ARNT2: variants seen among roughly 807,000 people sequenced by gnomAD.
ARNT2 encodes aryl hydrocarbon receptor nuclear translocator 2.
ARNT2 carries 36 observed loss-of-function variants against 91.7 expected under a neutral mutation model. The ratio of observed to expected loss-of-function variants is 0.39; its 90% CI spans 0.30 to 0.52. The LOEUF (loss-of-function observed/expected upper bound fraction) is 0.52. Ranked by LOEUF, ARNT2 falls within the 20% of genes least tolerant of loss-of-function variation. The pLI, the probability that ARNT2 is intolerant of heterozygous loss-of-function variation, is 0.72. For missense variants in ARNT2, 775 were observed against 939.3 expected, an observed-to-expected ratio of 0.83 and a Z score of 2.29; for synonymous variants, 365 against 347.1, an observed-to-expected ratio of 1.05 and a Z score of -0.57.
intron 1 of ARNT2, chr15:80,445,003 ATG>A (rs1361627768): frequency 1.5e-4 from 22 of 145,504 alleles, no homozygotes; most frequent in African/African-American, 2.6e-5. Flanking sequence ...AATAGTGTGC[ATG>A]TGTGTCGATG....
intron 8 of ARNT2, among the ~76,000 whole-genome samples, chr15:80,547,806 G>A (rs1898014809): frequency 6.6e-6 from 1 of 152,030 alleles, no homozygotes; most frequent in Non-Finnish European, 1.5e-5. Context: ...TTTTTTTAAT[G>A]TTGTATAATG....
At chr15:80,442,695 C>T (rs764972502) in intron 1 of ARNT2, 58 of 255,816 alleles carry the variant, frequency 2.3e-4, no homozygotes, top group Non-Finnish European at 3.4e-4. Context: ...TTCAATGAAC[C>T]GAGGAATGTG....
At chr15:80,426,089 T>C (rs1895928801) in intron 1 of ARNT2, among the ~76,000 whole-genome samples, 1 of 131,638 alleles carries the variant, frequency 7.6e-6, no homozygotes, top group Admixed American at 7.7e-5. Flanking sequence ...GAAAAGAAAC[T>C]CTATAGGATA....
intron 1 of ARNT2, among the ~76,000 whole-genome samples, chr15:80,409,809 G>A (rs1344664769): frequency 2.0e-5 from 3 of 152,160 alleles, no homozygotes; most frequent in African/African-American, 7.2e-5. Flanking sequence ...GTTGACCCTT[G>A]AGTCAAGCTC....
At chr15:80,568,722 A>G (rs944637155) in intron 12 of ARNT2, among the ~76,000 whole-genome samples, 1 of 152,168 alleles carries the variant, frequency 6.6e-6, no homozygotes, top group African/African-American at 2.4e-5. Flanking sequence ...ATTCACCTCA[A>G]CAGGCAACCT....
In ARNT2 at chr15:80,508,139, CCTT is replaced by C. The variant is rs755662357; in HGVS notation, c.623-14_623-12del. The C allele has an allele frequency of 2.3e-5, 37 of 1,612,400 alleles. No homozygotes were observed. Among genetic ancestry groups the C allele is most frequent in the African/African-American group, 4.0e-5 (3 of 74,678 alleles). On this transcript the variant is annotated splice_polypyrimidine_tract_variant and intron_variant, in intron 5 of 18. Coordinates refer to ENST00000303329, the MANE Select transcript of ARNT2 (RefSeq NM_014862.4). Reference sequence around the variant, plus strand: ...CGAAGGCAGAGGCTTACGTAACTGTCCTTCTCTCTCTCTTAGGCCGGATCTTGG... The same window carrying C: ...CGAAGGCAGAGGCTTACGTAACTGTCCTCTCTCTCTTAGGCCGGATCTTGG...
intron 3 of ARNT2, among the ~76,000 whole-genome samples, chr15:80,467,364 C>T (rs4778597): frequency 6.6e-6 from 1 of 152,006 alleles, no homozygotes; most frequent in African/African-American, 2.4e-5. Flanking sequence ...TGTGCTGAAT[C>T]GAAGATAAGT....
intron 15 of ARNT2, among the ~76,000 whole-genome samples, chr15:80,577,355 A>G (rs1898694835): frequency 6.6e-6 from 1 of 152,240 alleles, no homozygotes; most frequent in Non-Finnish European, 1.5e-5. Flanking sequence ...AAGACTGGTC[A>G]GCTCAGCCCA....
intron 8 of ARNT2, among the ~76,000 whole-genome samples, chr15:80,516,243 T>C (rs1011640352): frequency 5.3e-5 from 8 of 152,252 alleles, no homozygotes; most frequent in African/African-American, 1.7e-4. Context: ...TATGTTTTTA[T>C]TGACTTTTTT....
intron 8 of ARNT2, among the ~76,000 whole-genome samples, chr15:80,514,858 C>T (rs1595993580): frequency 6.6e-6 from 1 of 152,266 alleles, no homozygotes; most frequent in East Asian, 1.9e-4. Context: ...TGTATTCCAG[C>T]CTGGGCAACA....
At chr15:80,487,300 C>T (rs189706929) in intron 5 of ARNT2, among the ~76,000 whole-genome samples, 15 of 152,206 alleles carry the variant, frequency 9.9e-5, no homozygotes, top group African/African-American at 2.7e-4. Flanking sequence ...GTTGTCCATG[C>T]GCACAGCAGC....
At position 80,597,870 on chromosome 15, in the gene ARNT2, T is replaced by C. The variant is rs985615456; in HGVS notation, c.*4172T>C. ...ACAGTTATTAAGTCGGTTGTGTATA[T>C]GTGTAACTAATGTAACTGCCTTTTA... On this transcript the variant is annotated 3_prime_UTR_variant, in exon 19 of 19. Coordinates refer to ENST00000303329, the MANE Select transcript of ARNT2 (RefSeq NM_014862.4). The C allele has an allele frequency of 6.5e-6, 1 of 152,776 alleles. No homozygotes were observed. The highest frequency in any genetic ancestry group is 1.5e-5 in the Non-Finnish European group (1 of 68,124). 9.5% of individuals were successfully genotyped at this position (152,776 alleles called of 1,614,324 possible). A position where few individuals can be genotyped will look rare whatever the true frequency, so the allele number is the denominator to read the frequency against.
Position 80,446,735 on chromosome 15 carries a change from T to G in ARNT2, c.32-4145T>G, listed in dbSNP as rs746737527. ...AGCTTGTGCAAAGAAGATGGCAGAGTGCTGGAAACACAGTCAGTACCCAAC... is the reference window on the plus strand; with the variant it reads ...AGCTTGTGCAAAGAAGATGGCAGAGGGCTGGAAACACAGTCAGTACCCAAC... On this transcript the variant is annotated intron_variant, in intron 1 of 18. Coordinates refer to ENST00000303329, the MANE Select transcript of ARNT2 (RefSeq NM_014862.4). Among the ~76,000 whole-genome samples the G allele has an allele frequency of 9.3e-5, 14 of 150,588 alleles. No individual in the cohort carries two copies. The East Asian group carries it at 2.1e-3, about 23-fold the overall frequency.
chr15:80,438,495 T>C (rs1177608399), intron 1 of ARNT2, among the ~76,000 whole-genome samples: 9 of 152,168 alleles, frequency 5.9e-5, no homozygotes, highest in African/African-American at 2.2e-4. Context: ...CAGAAACAGG[T>C]AGAAAAATTT....
chr15:80,559,223 C>T (rs1227790191), intron 11 of ARNT2, among the ~76,000 whole-genome samples: 2 of 152,260 alleles, frequency 1.3e-5, no homozygotes, highest in Non-Finnish European at 2.9e-5. Context: ...CATCTGATCC[C>T]ACCCTGATAT....
chr15:80,438,592 T>G (rs1030682331), intron 1 of ARNT2, among the ~76,000 whole-genome samples: 2 of 152,198 alleles, frequency 1.3e-5, no homozygotes, highest in Admixed American at 6.5e-5. Flanking sequence ...ACTAATAATC[T>G]CTTTTATTCT....
At chr15:80,561,036 G>A (rs4778810) in intron 11 of ARNT2, among the ~76,000 whole-genome samples, 101,930 of 152,162 alleles carry the variant, frequency 0.67, 36,330 homozygotes, top group East Asian at 0.86. Flanking sequence ...GAGTCCCTGC[G>A]GGAAGTGTGC....
chr15:80,450,846 A>T, intron 1 of ARNT2, 34 bp from the exon 2 acceptor site: 1 of 1,609,598 alleles, frequency 6.2e-7, no homozygotes, highest in Non-Finnish European at 8.5e-7. Context: ...CTTTTCTGGC[A>T]TTGACAAAAC....
chr15:80,436,122 G>A (rs1896081858), intron 1 of ARNT2: 1 of 152,020 alleles, frequency 6.6e-6, no homozygotes. Flanking sequence ...TTGGATTGAT[G>A]CTTCATCAGC....
Sources: allele counts gnomAD v4.1 joint callset (sites outside exome capture counted in the v4.1 genomes callset), GRCh38; gene constraint gnomAD v4.1.1; transcripts MANE v1.5; gene names NCBI Gene and HGNC (gene_info 2026-07-23, HGNC 2026-07-21).